The following EXD3 variants were observed in gnomAD, a reference collection of about 807,000 sequenced individuals.
The protein encoded by EXD3 is exonuclease 3'-5' domain containing 3.
Under a neutral mutation model 98.0 loss-of-function variants are expected in EXD3, and 92 were observed. The ratio of observed to expected loss-of-function variants is 0.94; its 90% CI spans 0.79 to 1.12. EXD3 has a LOEUF of 1.12. Among genes scored for constraint, EXD3 ranks in the 50% most tolerant of loss-of-function variants. The probability of loss-of-function intolerance (pLI) is 0.00; values close to 1 mark genes in which losing one functional copy is unlikely to be tolerated. For synonymous variants in EXD3, 569 were observed against 526.0 expected, an observed-to-expected ratio of 1.08 and a Z score of -1.12; for missense variants, 1,222 against 1,191.6, an observed-to-expected ratio of 1.03 and a Z score of -0.38.
At chr9:137,366,745 C>T (rs1175973259) in intron 6 of EXD3, 113 bp from the exon 7 acceptor site, 22 of 1,351,220 alleles carry the variant, frequency 1.6e-5, no homozygotes, top group Middle Eastern at 2.6e-4. Flanking sequence ...GCCCAGAGGC[C>T]GTCCAGGCCC....
At chr9:137,316,840 G>T (rs957526902) in intron 19 of EXD3, among the ~76,000 whole-genome samples, 13 of 152,338 alleles carry the variant, frequency 8.5e-5, no homozygotes, top group Non-Finnish European at 1.5e-4. Context: ...GCCTAGGTGT[G>T]ACGGGCCTGC....
At chr9:137,311,968 C>A (rs1831383573) in intron 19 of EXD3, among the ~76,000 whole-genome samples, 1 of 152,128 alleles carries the variant, frequency 6.6e-6, no homozygotes, top group South Asian at 2.1e-4. Context: ...CCCCAGCACT[C>A]GGGGGCTGAG....
chr9:137,352,767 G>T lies in EXD3; in HGVS notation c.890C>A (p.Pro297Gln). The change falls in exon 11 of 22, where the codon CCG becomes CAG. Residue 297 changes from proline to glutamine, a missense_variant. Coordinates refer to ENST00000340951, the MANE Select transcript of EXD3 (RefSeq NM_017820.5). The part of the protein sequence containing the change: ...DHVQGLVGQS[P>Q]WLQEQLSQLL... The stretch of plus-strand genomic sequence containing the variant: ...CTGAGACAGCTGCTCCTGAAGCCAC[G>T]GGCTCTGCCCCACCAGGCCCTGTGA... The T allele has an allele frequency of 3.2e-6, 5 of 1,581,200 alleles. No individual in the cohort carries two copies. The highest frequency in any genetic ancestry group is 2.3e-5 in the East Asian group (1 of 43,214).
chr9:137,324,739 C>A lies in EXD3; in HGVS notation c.1999-596G>T, dbSNP rs1832295489. ...ACGGAGTCTCGCTCTTTCGCCCAGG[C>A]CGGAGTGCAGTGGCGCTGTCTTGGC... On this transcript the variant is annotated intron_variant, in intron 17 of 21. Transcript: ENST00000340951. The surrounding 1 kb of genome is among the most constrained non-coding windows in gnomAD (Gnocchi z 4.1). 6.6e-6 allele frequency among the ~76,000 whole-genome samples: 1 copy of A among 152,212 alleles called. No individual in the cohort carries two copies. Among genetic ancestry groups the A allele is most frequent in the Non-Finnish European group, 1.5e-5 (1 of 68,032 alleles).
At chr9:137,365,601 A>AGG (rs1564515512) in intron 7 of EXD3, 3 of 146,202 alleles carry the variant, frequency 2.1e-5, no homozygotes, top group Admixed American at 1.8e-4. Flanking sequence ...ACGCACACAC[A>AGG]TGCACACACA....
At position 137,405,131 on chromosome 9, in the gene EXD3, G is replaced by A. The variant is rs1437402504; in HGVS notation, c.-47-9727C>T. On this transcript the variant is annotated intron_variant, in intron 1 of 21. Coordinates refer to ENST00000340951, the MANE Select transcript of EXD3 (RefSeq NM_017820.5). This position sits in a 1 kb window ranked among gnomAD's most constrained non-coding sequence, Gnocchi z 4.1. ...GCCAGTGGCCATTCCCAAATTCCCA[G>A]GGCCTCTGCCAGCGGGTGTCCAAAG... Among the ~76,000 whole-genome samples, 1 of 152,194 alleles carries A rather than the reference G, an allele frequency of 6.6e-6. No homozygotes were observed. The highest frequency in any genetic ancestry group is 2.4e-5 in the African/African-American group (1 of 41,456).
chr9:137,384,965 G>A (rs1836509210), intron 2 of EXD3, among the ~76,000 whole-genome samples: 1 of 152,128 alleles, frequency 6.6e-6, no homozygotes, highest in African/African-American at 2.4e-5. Context: ...GGTGGCGGGT[G>A]CCTGTAGTCC....
At chr9:137,363,902 T>C (rs1364869987) in intron 7 of EXD3, among the ~76,000 whole-genome samples, 2 of 152,176 alleles carry the variant, frequency 1.3e-5, no homozygotes, top group Admixed American at 6.5e-5. Flanking sequence ...TTAATGTCTA[T>C]ACGGTCTGTA....
In EXD3 at chr9:137,407,933, C is replaced by T. The variant is rs552622033; in HGVS notation, c.-47-12529G>A. Among the ~76,000 whole-genome samples, 1 of 152,258 alleles carries T rather than the reference C, an allele frequency of 6.6e-6. No individual in the cohort carries two copies. The highest frequency in any genetic ancestry group is 1.5e-5 in the Non-Finnish European group (1 of 68,012). On this transcript the variant is annotated intron_variant, in intron 1 of 21. Coordinates refer to ENST00000340951, the MANE Select transcript of EXD3 (RefSeq NM_017820.5). This position sits in a 1 kb window ranked among gnomAD's most constrained non-coding sequence, Gnocchi z 4.4. ...CCCCAGGCCCCGCAGCACACAAATG[C>T]GGAGCCTCAAGCCTCCAGGGGTTTT...
At chr9:137,353,215 C>T in intron 10 of EXD3, 1 of 983,840 alleles carries the variant, frequency 1.0e-6, no homozygotes, top group Non-Finnish European at 1.2e-6. Flanking sequence ...GCCTCCAAGC[C>T]TCCACTGACC....
Position 137,383,302 on chromosome 9 carries a change from C to G in EXD3, c.120+11G>C, listed in dbSNP as rs766204370. 1 of 1,547,868 alleles carries G rather than the reference C, an allele frequency of 6.5e-7. No homozygotes were observed. The highest frequency in any genetic ancestry group is 1.4e-5 in the African/African-American group (1 of 72,982). ...GTGACTTGGCACGTGGTGGCTGCCACGTCCACTCACCTGCTTCCGCTCCCG... is the reference window on the plus strand; with the variant it reads ...GTGACTTGGCACGTGGTGGCTGCCAGGTCCACTCACCTGCTTCCGCTCCCG... On this transcript the variant is annotated intron_variant, in intron 3 of 21. Coordinates refer to ENST00000340951, the MANE Select transcript of EXD3 (RefSeq NM_017820.5).
intron 1 of EXD3, among the ~76,000 whole-genome samples, chr9:137,416,705 C>G (rs911478270): frequency 6.6e-6 from 1 of 152,200 alleles, no homozygotes; most frequent in African/African-American, 2.4e-5. Flanking sequence ...CAGGTCACAC[C>G]GAGGTGGCAC....
chr9:137,373,724 C>T (rs965457512), intron 3 of EXD3, 125 bp from the exon 4 acceptor site: 32 of 1,098,354 alleles, frequency 2.9e-5, no homozygotes, highest in Non-Finnish European at 3.8e-5. Flanking sequence ...GCCATTCAGC[C>T]GCCATCTGCG....
chr9:137,347,461 T>C lies in EXD3; in HGVS notation c.1998+610A>G, dbSNP rs1004250934. On this transcript the variant is annotated intron_variant, in intron 17 of 21. Transcript: ENST00000340951. The surrounding 1 kb of genome is among the most constrained non-coding windows in gnomAD (Gnocchi z 4.2). ...ATTCCTGCTTTTTTTCTTTTTTTTT[T>C]AAGATGGAGTCTTGCTCTGTCAGCC... Among the ~76,000 whole-genome samples the C allele has an allele frequency of 6.6e-6, 1 of 152,024 alleles. No homozygotes were observed. The highest frequency in any genetic ancestry group is 2.4e-5 in the African/African-American group (1 of 41,382).
chr9:137,324,784 C>T lies in EXD3; in HGVS notation c.1999-641G>A, dbSNP rs1832300984. ...CTTGGCTCACTGCAAGCTCCGCCTC[C>T]TGGGTTCATGCCATTCTCCTGCCTC... On this transcript the variant is annotated intron_variant, in intron 17 of 21. Coordinates refer to ENST00000340951, the MANE Select transcript of EXD3 (RefSeq NM_017820.5). The surrounding 1 kb of genome is among the most constrained non-coding windows in gnomAD (Gnocchi z 4.1). Among the ~76,000 whole-genome samples, 1 of 152,196 alleles carries T rather than the reference C, an allele frequency of 6.6e-6. No homozygotes were observed. Among genetic ancestry groups the T allele is most frequent in the Non-Finnish European group, 1.5e-5 (1 of 68,034 alleles).
chr9:137,320,521 G>A (rs1001176475), intron 19 of EXD3, among the ~76,000 whole-genome samples: 4 of 152,196 alleles, frequency 2.6e-5, no homozygotes, highest in Admixed American at 6.5e-5. Context: ...GGGCAGCTTG[G>A]GGGTTGCAGG....
At chr9:137,342,894 G>A (rs555729959) in intron 17 of EXD3, among the ~76,000 whole-genome samples, 21 of 152,356 alleles carry the variant, frequency 1.4e-4, no homozygotes, top group African/African-American at 5.0e-4. Context: ...GGCCGAGGCA[G>A]GTGGATTACA....
At chr9:137,379,072 C>T (rs1588387486) in intron 3 of EXD3, among the ~76,000 whole-genome samples, 2 of 85,356 alleles carry the variant, frequency 2.3e-5, no homozygotes, top group African/African-American at 1.1e-4. Context: ...GTGAGGGGTA[C>T]GGGGTTTGTG....
At chr9:137,341,460 G>C (rs1804506097) in intron 17 of EXD3, among the ~76,000 whole-genome samples, 2 of 152,248 alleles carry the variant, frequency 1.3e-5, no homozygotes, top group Non-Finnish European at 2.9e-5. Flanking sequence ...GTCAGCAAAG[G>C]GAAAAGGCAC....
Sources: gnomAD v4.1 joint callset for allele counts (sites outside exome capture counted in the v4.1 genomes callset) on GRCh38, gnomAD v4.1.1 for gene constraint, Gnocchi (gnomAD v3.1) non-coding constraint, MANE v1.5 for transcripts, NCBI Gene and HGNC (gene_info 2026-07-23, HGNC 2026-07-21) for gene names.